DIXDC1: variants seen among roughly 807,000 people sequenced by gnomAD.
The protein encoded by DIXDC1 is dixin.
In DIXDC1, 64 loss-of-function variants were observed where a neutral mutation model predicts 103.1. That is an observed-to-expected ratio of 0.62 (90% CI 0.51 to 0.76). The LOEUF is 0.76. Ranked by LOEUF, DIXDC1 falls within the 30% of genes least tolerant of loss-of-function variation. DIXDC1 has a pLI of 0.00. For synonymous variants in DIXDC1, 266 were observed against 298.5 expected (o/e 0.89, Z 1.12); for missense variants, 759 against 834.2 (o/e 0.91, Z 1.11).
chr11:111,971,230 A>G (rs1555172041), intron 3 of DIXDC1, among the ~76,000 whole-genome samples: 1 of 152,226 alleles, frequency 6.6e-6, no homozygotes, highest in Non-Finnish European at 1.5e-5. Flanking sequence ...TATGAATCTG[A>G]CAAAGGTCTA....
In DIXDC1 at chr11:111,965,381, C is replaced by G. The variant is rs117621427; in HGVS notation, c.190+703C>G. Among the ~76,000 whole-genome samples, 1,041 of 152,210 alleles carry G rather than the reference C, an allele frequency of 6.8e-3. 6 individuals carry two copies. The highest frequency in any genetic ancestry group is 0.051 in the Middle Eastern group (15 of 294). On this transcript the variant is annotated intron_variant, in intron 2 of 19. Transcript: ENST00000440460. Reference sequence around the variant, plus strand: ...AGAGCAGGCATAGTATAATGTTTTTCTGTTTATGCAAGCTCTAGCCAAATG... The same window carrying G: ...AGAGCAGGCATAGTATAATGTTTTTGTGTTTATGCAAGCTCTAGCCAAATG...
intron 1 of DIXDC1, among the ~76,000 whole-genome samples, chr11:111,944,047 A>G (rs2137451961): frequency 1.3e-5 from 2 of 152,322 alleles, no homozygotes; most frequent in South Asian, 4.1e-4. Flanking sequence ...AAGAAATACA[A>G]TAGGGTGTTT....
At chr11:111,965,495 C>T (rs919813762) in intron 2 of DIXDC1, among the ~76,000 whole-genome samples, 1 of 152,098 alleles carries the variant, frequency 6.6e-6, no homozygotes, top group Non-Finnish European at 1.5e-5. Flanking sequence ...GCAAGTGGTA[C>T]GGAAGAAGCC....
intron 1 of DIXDC1, among the ~76,000 whole-genome samples, chr11:111,949,523 T>C: frequency 6.6e-6 from 1 of 152,248 alleles, no homozygotes; most frequent in East Asian, 1.9e-4. Context: ...TTATCTTCTC[T>C]TGCTTGAATT....
At chr11:111,966,544 C>T (rs978431531) in intron 2 of DIXDC1, among the ~76,000 whole-genome samples, 2 of 151,876 alleles carry the variant, frequency 1.3e-5, no homozygotes, top group Non-Finnish European at 2.9e-5. Flanking sequence ...GCTGGGACTA[C>T]AGGCGCCCGC....
intron 1 of DIXDC1, among the ~76,000 whole-genome samples, chr11:111,960,768 A>G (rs1483318766): frequency 6.6e-6 from 1 of 152,056 alleles, no homozygotes; most frequent in Non-Finnish European, 1.5e-5. Flanking sequence ...GGGCCTAGAC[A>G]TTAGTATTTT....
intron 17 of DIXDC1, among the ~76,000 whole-genome samples, chr11:112,014,276 C>A (rs1861519221): frequency 1.3e-5 from 2 of 152,200 alleles, no homozygotes; most frequent in African/African-American, 4.8e-5. Context: ...CTTTTAGTAA[C>A]TTTCCATAGC....
chr11:112,006,836 C>G (rs1374372043), intron 17 of DIXDC1, among the ~76,000 whole-genome samples: 3 of 152,182 alleles, frequency 2.0e-5, no homozygotes, highest in African/African-American at 7.2e-5. Context: ...GTAGATAAAA[C>G]CACAAAGATG....
chr11:111,977,895 G>T lies in DIXDC1; in HGVS notation c.657-2842G>T, dbSNP rs1444817975. ...GCCGGAGACAGGCGGGGTGGTGGGA[G>T]CATTATGTTGGGAGGACCGGCTGCT... On this transcript the variant is annotated intron_variant, in intron 5 of 19. Coordinates refer to ENST00000440460, the MANE Select transcript of DIXDC1 (RefSeq NM_001037954.4). This position sits in a 1 kb window ranked among gnomAD's most constrained non-coding sequence, Gnocchi z 6.1. 1 of 1,428,708 alleles carries T rather than the reference G, an allele frequency of 7.0e-7. No homozygotes were observed. Among genetic ancestry groups the T allele is most frequent in the Admixed American group, 2.8e-5 (1 of 35,762 alleles). The allele number at this position is 1,428,708 out of a possible 1,614,324, so 88.5% of individuals were successfully genotyped here.
chr11:111,929,668 C>T (rs1965950453), intron 1 of DIXDC1: 1 of 496,716 alleles, frequency 2.0e-6, no homozygotes, highest in African/African-American at 2.0e-5. Flanking sequence ...GCTGGACTTC[C>T]TGCTAACTAG....
chr11:111,973,796 C>G (rs1444423950), intron 3 of DIXDC1, among the ~76,000 whole-genome samples: 1 of 152,208 alleles, frequency 6.6e-6, no homozygotes, highest in Non-Finnish European at 1.5e-5. Context: ...TCTGACCTCC[C>G]AAAGAATCCT....
At chr11:112,005,691 C>T (rs781915588) in intron 17 of DIXDC1, among the ~76,000 whole-genome samples, 5 of 152,134 alleles carry the variant, frequency 3.3e-5, no homozygotes, top group Admixed American at 3.3e-4. Context: ...GGGTGACAGA[C>T]AGAGTGAGAC....
At chr11:111,930,414 G>A (rs1965972645) in intron 2 of DIXDC1, among the ~76,000 whole-genome samples, 1 of 151,972 alleles carries the variant, frequency 6.6e-6, no homozygotes, top group African/African-American at 2.4e-5. Flanking sequence ...TGAGTAGCTG[G>A]GACTACAGGC....
intron 1 of DIXDC1, among the ~76,000 whole-genome samples, chr11:111,952,387 G>A (rs1213455782): frequency 6.6e-6 from 1 of 152,128 alleles, no homozygotes; most frequent in Non-Finnish European, 1.5e-5. Flanking sequence ...AAATACACAA[G>A]AACAGTCAAG....
At chr11:111,950,379 AT>A (rs1167780710) in intron 1 of DIXDC1, among the ~76,000 whole-genome samples, 2 of 91,808 alleles carry the variant, frequency 2.2e-5, no homozygotes, top group African/African-American at 3.6e-5. Flanking sequence ...TTCTTATTTT[AT>A]TTTTTTTTAT....
intron 1 of DIXDC1, among the ~76,000 whole-genome samples, chr11:111,942,595 A>AT (rs1436381005): frequency 6.6e-6 from 1 of 152,232 alleles, no homozygotes; most frequent in Non-Finnish European, 1.5e-5. Flanking sequence ...TCATTCATCC[A>AT]TTCATTCACA....
intron 17 of DIXDC1, among the ~76,000 whole-genome samples, chr11:112,013,097 T>C (rs1406485465): frequency 6.6e-6 from 1 of 152,002 alleles, no homozygotes; most frequent in Non-Finnish European, 1.5e-5. Context: ...CATGGCCAGG[T>C]TTTGGTGAGG....
upstream of DIXDC1, among the ~76,000 whole-genome samples, chr11:111,935,360 A>T (rs1966158995): frequency 1.3e-5 from 2 of 152,178 alleles, no homozygotes; most frequent in Admixed American, 6.5e-5. Context: ...AAATTCAGTG[A>T]TTTCATAAGT....
rs587610101 is a variant in DIXDC1, at chr11:111,958,112, G to A, written c.61-6437G>A. Among the ~76,000 whole-genome samples, 109 of 147,652 alleles carry A rather than the reference G, an allele frequency of 7.4e-4. No homozygotes were observed. Among genetic ancestry groups the A allele is most frequent in the African/African-American group, 2.5e-3 (99 of 39,938 alleles). On this transcript the variant is annotated intron_variant, in intron 1 of 19. Transcript: ENST00000440460. The surrounding 1 kb of genome is among the most constrained non-coding windows in gnomAD (Gnocchi z 4.2). ...AGGCAGGAGCCCCACCCTCCTGGGC[G>A]CAGCTGCAGTCACCAGAGCCCTAGC...
Sources: allele counts gnomAD v4.1 joint callset (sites outside exome capture counted in the v4.1 genomes callset), GRCh38; gene constraint gnomAD v4.1.1; non-coding constraint Gnocchi (gnomAD v3.1); transcripts MANE v1.5; gene names NCBI Gene and HGNC (gene_info 2026-07-23, HGNC 2026-07-21).